RNF180: variants seen among roughly 807,000 people sequenced by gnomAD.
RNF180 encodes E3 ubiquitin-protein ligase RNF180.
In RNF180, 38 loss-of-function variants were observed where a neutral mutation model predicts 59.2. The ratio of observed to expected loss-of-function variants is 0.64; its 90% CI spans 0.50 to 0.84. The LOEUF (loss-of-function observed/expected upper bound fraction) is 0.84. Ranked by LOEUF, RNF180 falls within the 40% of genes least tolerant of loss-of-function variation. The pLI is 0.00. For synonymous variants in RNF180, 262 were observed against 240.3 expected, an observed-to-expected ratio of 1.09 and a Z score of -0.84; for missense variants, 705 against 700.9, an observed-to-expected ratio of 1.01 and a Z score of -0.07.
chr5:64,213,427 T>C (rs1752414158), intron 3 of RNF180, 131 bp from the exon 4 acceptor site: 3 of 755,736 alleles, frequency 4.0e-6, no homozygotes, highest in Non-Finnish European at 4.4e-6. Flanking sequence ...AGTCTACTAA[T>C]CAGAAAACAG....
At chr5:64,305,882 A>G (rs1296999132) in intron 5 of RNF180, among the ~76,000 whole-genome samples, 1 of 151,588 alleles carries the variant, frequency 6.6e-6, no homozygotes, top group Non-Finnish European at 1.5e-5. Context: ...ATTAAGACCA[A>G]GGTAAAAGTG....
intron 5 of RNF180, among the ~76,000 whole-genome samples, chr5:64,233,882 G>A (rs1344601215): frequency 6.6e-6 from 1 of 152,176 alleles, no homozygotes; most frequent in African/African-American, 2.4e-5. Context: ...CTAGAATTGA[G>A]ACCCACTGCC....
chr5:64,369,570 C>A, intron 7 of RNF180, 45 bp from the exon 8 acceptor site: 1 of 1,238,302 alleles, frequency 8.1e-7, no homozygotes, highest in Non-Finnish European at 1.1e-6. Flanking sequence ...TTTCTGAGCA[C>A]TAGCTTGAAT....
intron 5 of RNF180, among the ~76,000 whole-genome samples, chr5:64,285,348 T>TG (rs1742224759): frequency 3.9e-5 from 6 of 152,138 alleles, no homozygotes. Flanking sequence ...ACATATCAGC[T>TG]GGGGTGGGTA....
chr5:64,183,654 G>A (rs1171297992), intron 1 of RNF180, among the ~76,000 whole-genome samples: 1 of 151,920 alleles, frequency 6.6e-6, no homozygotes, highest in Non-Finnish European at 1.5e-5. Flanking sequence ...CACCTTCTTG[G>A]CCAGGCTTGT....
intron 1 of RNF180, among the ~76,000 whole-genome samples, chr5:64,172,882 T>C (rs898716940): frequency 6.6e-6 from 1 of 152,196 alleles, no homozygotes; most frequent in African/African-American, 2.4e-5. Flanking sequence ...AGATATTGAC[T>C]GTCATGGTCA....
intron 7 of RNF180, among the ~76,000 whole-genome samples, chr5:64,353,260 AT>A (rs1229385552): frequency 6.6e-6 from 1 of 151,786 alleles, no homozygotes; most frequent in East Asian, 1.9e-4. Flanking sequence ...GTTTTGCTTC[AT>A]TCATGTGGAA....
intron 5 of RNF180, among the ~76,000 whole-genome samples, chr5:64,310,816 T>C (rs1311238628): frequency 2.0e-5 from 3 of 151,778 alleles, no homozygotes; most frequent in Admixed American, 6.6e-5. Context: ...ATTTATTGTA[T>C]ATGGGCTAAC....
At chr5:64,233,916 G>C (rs1325015657) in intron 5 of RNF180, among the ~76,000 whole-genome samples, 2 of 152,210 alleles carry the variant, frequency 1.3e-5, no homozygotes, top group Non-Finnish European at 2.9e-5. Flanking sequence ...TAGTATTCCA[G>C]ATGAATGCCC....
chr5:64,247,727 A>G (rs569774877), intron 5 of RNF180, among the ~76,000 whole-genome samples: 18 of 152,350 alleles, frequency 1.2e-4, no homozygotes, highest in Admixed American at 1.0e-3. Flanking sequence ...TCAAGCTACC[A>G]TTGACTTTCT....
intron 5 of RNF180, among the ~76,000 whole-genome samples, chr5:64,247,009 T>TA (rs1238248846): frequency 2.0e-5 from 3 of 151,984 alleles, no homozygotes; most frequent in Non-Finnish European, 4.4e-5. Flanking sequence ...TGACAAAAAT[T>TA]ACATGATTAT....
chr5:64,201,707 A>C (rs1255045145), intron 2 of RNF180, among the ~76,000 whole-genome samples: 2 of 152,208 alleles, frequency 1.3e-5, no homozygotes. Context: ...TAAACTGATA[A>C]TAGTAGATAA....
chr5:64,273,380 T>G (rs1741534695), intron 5 of RNF180, among the ~76,000 whole-genome samples: 1 of 152,000 alleles, frequency 6.6e-6, no homozygotes, highest in South Asian at 2.1e-4. Flanking sequence ...AGCCATTCTT[T>G]TATTCCTTTA....
chr5:64,168,533 A>G (rs1749768817), intron 1 of RNF180, among the ~76,000 whole-genome samples: 1 of 152,184 alleles, frequency 6.6e-6, no homozygotes, highest in South Asian at 2.1e-4. Flanking sequence ...ATTTCTTAGA[A>G]ATCAGATATT....
intron 5 of RNF180, among the ~76,000 whole-genome samples, chr5:64,250,820 A>G (rs62372499): frequency 0.077 from 11,669 of 152,240 alleles, 639 homozygotes; most frequent in Non-Finnish European, 0.12. Context: ...TGATTCAAGA[A>G]ATTGAAGAGG....
At chr5:64,351,647 A>C (rs1428572746) in intron 7 of RNF180, among the ~76,000 whole-genome samples, 1 of 151,650 alleles carries the variant, frequency 6.6e-6, no homozygotes, top group Non-Finnish European at 1.5e-5. Context: ...CCTTTTCTGC[A>C]TCTATTGAGA....
At chr5:64,256,085 A>G (rs1743931341) in intron 5 of RNF180, among the ~76,000 whole-genome samples, 1 of 152,064 alleles carries the variant, frequency 6.6e-6, no homozygotes, top group Non-Finnish European at 1.5e-5. Flanking sequence ...AGTTCATTGT[A>G]GATTCTGGAT....
intron 5 of RNF180, among the ~76,000 whole-genome samples, chr5:64,317,528 G>GTA (rs914172749): frequency 3.4e-5 from 5 of 147,716 alleles, no homozygotes; most frequent in East Asian, 3.9e-4. Context: ...CAAGTGAGGT[G>GTA]TATATATATG....
intron 5 of RNF180, among the ~76,000 whole-genome samples, chr5:64,247,133 A>G (rs892258483): frequency 2.4e-4 from 37 of 152,216 alleles, no homozygotes; most frequent in African/African-American, 7.5e-4. Context: ...AGAGCTATTT[A>G]TGACAAACCC....
Sources: allele counts gnomAD v4.1 joint callset (sites outside exome capture counted in the v4.1 genomes callset), GRCh38; gene constraint gnomAD v4.1.1; transcripts MANE v1.5; gene names NCBI Gene and HGNC (gene_info 2026-07-23, HGNC 2026-07-21).